Variants in SCP2 observed in about 807,000 individuals in gnomAD.
SCP2 encodes sterol carrier protein 2, also known as SCP-2/3-oxoacyl-CoA thiolase.
A neutral mutation model predicts 71.4 loss-of-function variants in SCP2; 48 were observed. The observed-to-expected ratio is 0.67, with a 90% CI of 0.53 to 0.86. The LOEUF (loss-of-function observed/expected upper bound fraction) is 0.86, where lower values mean the gene tolerates loss of function less well. SCP2 is among the 40% of genes least tolerant of loss of function. SCP2 has a pLI of 0.00. For synonymous variants in SCP2, 220 were observed against 218.1 expected (o/e 1.01, Z -0.08); for missense variants, 560 against 655.6 (o/e 0.85, Z 1.59).
At chr1:52,934,591 A>C (rs1056770645) in intron 1 of SCP2, among the ~76,000 whole-genome samples, 6 of 42,254 alleles carry the variant, frequency 1.4e-4, no homozygotes, top group Non-Finnish European at 2.3e-4. Flanking sequence ...ATTCCAGCTA[A>C]CTTTTTTTTT....
At chr1:52,939,909 A>G (rs1369937231) in intron 1 of SCP2, among the ~76,000 whole-genome samples, 1 of 152,002 alleles carries the variant, frequency 6.6e-6, no homozygotes, top group African/African-American at 2.4e-5. Context: ...ACCTCAAATG[A>G]TCCACCCACC....
Position 53,039,116 on chromosome 1 carries a change from G to C in SCP2, c.1468+70G>C, listed in dbSNP as rs148814719. 2.6e-5 allele frequency: 41 copies of C among 1,577,198 alleles called. No homozygotes were observed. In the Admixed American group the frequency reaches 6.7e-4, roughly 26 times the overall value. Reference sequence around the variant, plus strand: ...CGAAGGCTGTCAGCTGGGAAAATGGGGGTCTGCTTTACTGTTCCCAAAAAG... The same window carrying C: ...CGAAGGCTGTCAGCTGGGAAAATGGCGGTCTGCTTTACTGTTCCCAAAAAG... On this transcript the variant is annotated intron_variant, in intron 14 of 15. Transcript: ENST00000371514.
chr1:52,943,842 G>A, intron 2 of SCP2: 1 of 448,064 alleles, frequency 2.2e-6, no homozygotes, highest in South Asian at 1.9e-5. Flanking sequence ...GCAGTAGAGG[G>A]CACACTCTTG....
intron 1 of SCP2, among the ~76,000 whole-genome samples, chr1:52,928,505 G>A (rs911704167): frequency 1.3e-5 from 2 of 152,244 alleles, no homozygotes; most frequent in Middle Eastern, 3.2e-3. Context: ...AATAGGCCGG[G>A]GCCGGTGGCT....
At chr1:52,970,380 G>A (rs757574666) in intron 6 of SCP2, among the ~76,000 whole-genome samples, 1 of 152,120 alleles carries the variant, frequency 6.6e-6, no homozygotes, top group Non-Finnish European at 1.5e-5. Context: ...GTCCTGAGTC[G>A]CTGGGACTAC....
intron 13 of SCP2, among the ~76,000 whole-genome samples, chr1:53,035,908 T>C (rs1318326716): frequency 1.3e-5 from 2 of 151,082 alleles, no homozygotes; most frequent in African/African-American, 4.9e-5. Context: ...TAGTCCCAGC[T>C]ACTCGGGAGG....
chr1:52,985,423 A>G (rs2150182215), intron 10 of SCP2, among the ~76,000 whole-genome samples: 1 of 152,230 alleles, frequency 6.6e-6, no homozygotes, highest in Non-Finnish European at 1.5e-5. Context: ...TATGGACTCT[A>G]CCTTCAAAAT....
chr1:52,968,500 G>A (rs1389495855), intron 6 of SCP2, among the ~76,000 whole-genome samples: 1 of 151,882 alleles, frequency 6.6e-6, no homozygotes, highest in Non-Finnish European at 1.5e-5. Flanking sequence ...CTTTATTGAG[G>A]TATAATTCTT....
At chr1:52,931,002 G>C (rs559169177) in intron 1 of SCP2, among the ~76,000 whole-genome samples, 37 of 152,170 alleles carry the variant, frequency 2.4e-4, no homozygotes, top group Admixed American at 2.4e-3. Context: ...GAATAAACAA[G>C]TAGTTTAAAT....
At chr1:52,937,274 G>A (rs1174313784) in intron 1 of SCP2, among the ~76,000 whole-genome samples, 1 of 152,148 alleles carries the variant, frequency 6.6e-6, no homozygotes, top group Non-Finnish European at 1.5e-5. Flanking sequence ...TGGATGTTTT[G>A]GGAGCAAATA....
chr1:52,997,558 A>G (rs868030089), intron 11 of SCP2, among the ~76,000 whole-genome samples: 1 of 152,204 alleles, frequency 6.6e-6, no homozygotes, highest in South Asian at 2.1e-4. Flanking sequence ...TTTAAATTCC[A>G]TTTTTATGAC....
chr1:53,035,444 T>A (rs1296377655), intron 13 of SCP2, among the ~76,000 whole-genome samples: 1 of 152,182 alleles, frequency 6.6e-6, no homozygotes, highest in Non-Finnish European at 1.5e-5. Context: ...GGTGAAGATT[T>A]ACTATATTCG....
At chr1:53,003,104 A>G (rs1660419606) in intron 11 of SCP2, among the ~76,000 whole-genome samples, 6 of 152,168 alleles carry the variant, frequency 3.9e-5, no homozygotes, top group Admixed American at 3.9e-4. Context: ...AAATTTTATC[A>G]TTAAACTCTA....
chr1:52,980,022 G>A (rs1398835969), intron 9 of SCP2, among the ~76,000 whole-genome samples: 1 of 151,270 alleles, frequency 6.6e-6, no homozygotes, highest in Non-Finnish European at 1.5e-5. Context: ...CATCCAGGCT[G>A]GAATTCAGTG....
chr1:52,944,655 T>A (rs561465959), intron 2 of SCP2, among the ~76,000 whole-genome samples: 83 of 152,138 alleles, frequency 5.5e-4, no homozygotes, highest in Non-Finnish European at 9.6e-4. Context: ...GTGTGTATAA[T>A]ATTTTGATTA....
chr1:52,967,979 G>A (rs1272912359), intron 6 of SCP2, among the ~76,000 whole-genome samples: 1 of 152,092 alleles, frequency 6.6e-6, no homozygotes, highest in East Asian at 1.9e-4. Context: ...GCCTCCAGTG[G>A]TATACTGAGT....
intron 14 of SCP2, among the ~76,000 whole-genome samples, chr1:53,047,046 G>T (rs1419115131): frequency 1.3e-5 from 2 of 152,200 alleles, no homozygotes; most frequent in Non-Finnish European, 2.9e-5. Flanking sequence ...GCTTCAATGG[G>T]GAAGGATCCA....
At chr1:52,993,762 A>C in intron 11 of SCP2, 3 of 1,593,790 alleles carry the variant, frequency 1.9e-6, no homozygotes, top group South Asian at 1.1e-5. Context: ...ATGCCTCCTC[A>C]ATAATATTCC....
intron 4 of SCP2, 93 bp from the exon 5 acceptor site, chr1:52,954,647 C>A: frequency 9.7e-7 from 1 of 1,028,728 alleles, no homozygotes; most frequent in South Asian, 1.3e-5. Context: ...ATTGTGTGCT[C>A]ACTTGACGTA....
Sources: allele counts gnomAD v4.1 joint callset (sites outside exome capture counted in the v4.1 genomes callset), GRCh38; gene constraint gnomAD v4.1.1; transcripts MANE v1.5; gene names NCBI Gene and HGNC (gene_info 2026-07-23, HGNC 2026-07-21).